MAP3K21: variants seen among roughly 807,000 people sequenced by gnomAD.
MAP3K21 encodes mitogen-activated protein kinase kinase kinase 21.
A neutral mutation model predicts 86.1 loss-of-function variants in MAP3K21; 63 were observed. The observed-to-expected ratio is 0.73, with a 90% CI of 0.60 to 0.90. The LOEUF (loss-of-function observed/expected upper bound fraction) is 0.90. Ranked by LOEUF, MAP3K21 falls within the 40% of genes least tolerant of loss-of-function variation. MAP3K21 has a pLI of 0.00. For missense variants in MAP3K21, 1,220 were observed against 1,367.7 expected, an observed-to-expected ratio of 0.89 and a Z score of 1.70; for synonymous variants, 558 against 564.8, an observed-to-expected ratio of 0.99 and a Z score of 0.17.
chr1:233,370,820 C>T (rs1360470031), intron 5 of MAP3K21, among the ~76,000 whole-genome samples: 1 of 152,164 alleles, frequency 6.6e-6, no homozygotes, highest in Non-Finnish European at 1.5e-5. Context: ...TGGCAATGAA[C>T]CATTTGGGAT....
intron 1 of MAP3K21, among the ~76,000 whole-genome samples, chr1:233,340,404 G>A (rs948168935): frequency 2.4e-4 from 36 of 152,174 alleles, no homozygotes; most frequent in Non-Finnish European, 4.4e-4. Context: ...GACAGAAAAA[G>A]GCAATGCTGT....
intron 5 of MAP3K21, among the ~76,000 whole-genome samples, chr1:233,363,910 AG>A (rs1306810699): frequency 2.0e-5 from 3 of 151,138 alleles, no homozygotes; most frequent in African/African-American, 7.3e-5. Flanking sequence ...GCTACTTGGG[AG>A]GCTGAGGCGG....
rs1373047115 is a variant in MAP3K21, at chr1:233,384,717, G to C, written c.*2006G>C. On this transcript the variant is annotated 3_prime_UTR_variant, in exon 10 of 10. Coordinates refer to ENST00000366624, the MANE Select transcript of MAP3K21 (RefSeq NM_032435.3). ...CATGCATATTAGTAAATGTGTGTTT[G>C]CATGTGTGTGTTGGGGAGTGTATGT... 2 of 152,104 alleles carry C rather than the reference G, an allele frequency of 1.3e-5. No individual in the cohort carries two copies. Among genetic ancestry groups the C allele is most frequent in the African/African-American group, 4.8e-5 (2 of 41,422 alleles). 9.4% of individuals were successfully genotyped at this position (152,104 alleles called of 1,614,324 possible). A position where few individuals can be genotyped will look rare whatever the true frequency, so the allele number is the denominator to read the frequency against.
In MAP3K21 at chr1:233,348,368, G is replaced by A. The variant is rs940035447; in HGVS notation, c.986+1746G>A. Among the ~76,000 whole-genome samples the A allele has an allele frequency of 5.2e-4, 79 of 152,106 alleles. 1 individual carries two copies. The highest frequency in any genetic ancestry group is 1.9e-3 in the African/African-American group (77 of 41,422). On this transcript the variant is annotated intron_variant, in intron 2 of 9. Coordinates refer to ENST00000366624, the MANE Select transcript of MAP3K21 (RefSeq NM_032435.3). ...ATAGAGTATTACTGTACCACATCTTGTTTACCCATTTATCTCTGGATGGAC... is the reference window on the plus strand; with the variant it reads ...ATAGAGTATTACTGTACCACATCTTATTTACCCATTTATCTCTGGATGGAC...
At chr1:233,361,159 T>C (rs2102758186) in intron 4 of MAP3K21, among the ~76,000 whole-genome samples, 1 of 152,348 alleles carries the variant, frequency 6.6e-6, no homozygotes, top group East Asian at 1.9e-4. Flanking sequence ...GGGGATATAA[T>C]TTTAAAACTT....
At chr1:233,348,577 C>T (rs1450501599) in intron 2 of MAP3K21, among the ~76,000 whole-genome samples, 1 of 152,082 alleles carries the variant, frequency 6.6e-6, no homozygotes, top group Non-Finnish European at 1.5e-5. Flanking sequence ...GACCATTTTC[C>T]AAAGTGGCTG....
In MAP3K21 at chr1:233,383,674, A is replaced by C. The variant is rs1475767901; in HGVS notation, c.*963A>C. The C allele has an allele frequency of 6.6e-6, 1 of 152,126 alleles. No homozygotes were observed. The highest frequency in any genetic ancestry group is 2.1e-4 in the South Asian group (1 of 4,832). The allele number at this position is 152,126 out of a possible 1,614,324, so 9.4% of individuals were successfully genotyped here. ...GTAAACAGTCATGTGTCTTAATTTT[A>C]TTTTCTCTATTTGAGTGCATAATTA... is the stretch of plus-strand genomic sequence containing the variant. On this transcript the variant is annotated 3_prime_UTR_variant, in exon 10 of 10. Transcript: ENST00000366624.
chr1:233,347,638 C>A (rs1345472288), intron 2 of MAP3K21, among the ~76,000 whole-genome samples: 1 of 152,124 alleles, frequency 6.6e-6, no homozygotes, highest in Non-Finnish European at 1.5e-5. Flanking sequence ...AATAGAAAAC[C>A]GAATATCACA....
Position 233,362,067 on chromosome 1 carries a change from G to C in MAP3K21, c.1326G>C (p.Arg442=). 1 of 1,612,402 alleles carries C rather than the reference G, an allele frequency of 6.2e-7. No individual in the cohort carries two copies. The highest frequency in any genetic ancestry group is 8.5e-7 in the Non-Finnish European group (1 of 1,179,238). ...CTGTGTCGCAGGAGCTGCGATCCCGGGAAGAGGAGCTGACTCGGGCGGCTC... is the reference window on the plus strand; with the variant it reads ...CTGTGTCGCAGGAGCTGCGATCCCGCGAAGAGGAGCTGACTCGGGCGGCTC... The part of the protein sequence containing the change: ...LRTKEKELRS[R]EEELTRAALQ... The change falls in exon 5 of 10, where the codon CGG becomes CGC. Residue 442 remains arginine (R), a synonymous_variant. Transcript: ENST00000366624.
chr1:233,379,849 C>T lies in MAP3K21; in HGVS notation c.2704+139C>T. The T allele has an allele frequency of 7.5e-6, 5 of 663,074 alleles. No individual in the cohort carries two copies. The South Asian group carries it at 8.4e-5, about 11-fold the overall frequency. The allele number at this position is 663,074 out of a possible 1,614,324, so 41.1% of individuals were successfully genotyped here. ...TTTACTGTTCATGTAGATCTTTGAA[C>T]CTTACCCTTCTCTTATTTGATTTTA... On this transcript the variant is annotated intron_variant, in intron 9 of 9. Transcript: ENST00000366624.
chr1:233,346,623 G>T lies in MAP3K21; in HGVS notation c.986+1G>T. The T allele has an allele frequency of 6.2e-7, 1 of 1,612,854 alleles. No homozygotes were observed. The highest frequency in any genetic ancestry group is 2.2e-5 in the East Asian group (1 of 44,846). On this transcript the variant is annotated splice_donor_variant, in intron 2 of 9. Coordinates refer to ENST00000366624, the MANE Select transcript of MAP3K21 (RefSeq NM_032435.3). LOFTEE classifies it high-confidence loss of function. ...TTTCTAAGGGAAGCGACATCTGGAG[G>T]TGAGCCTTTCCTTTTGCAAACATCG...
chr1:233,351,425 C>G (rs1663250422), intron 2 of MAP3K21, among the ~76,000 whole-genome samples: 1 of 152,046 alleles, frequency 6.6e-6, no homozygotes, highest in Non-Finnish European at 1.5e-5. Context: ...GGAGAAATAG[C>G]TTGTGAGCAG....
intron 4 of MAP3K21, among the ~76,000 whole-genome samples, chr1:233,361,617 T>C (rs1338043301): frequency 6.6e-6 from 1 of 152,218 alleles, no homozygotes; most frequent in African/African-American, 2.4e-5. Context: ...CTTTAATTAA[T>C]TGAGCTTGAA....
At position 233,384,508 on chromosome 1, in the gene MAP3K21, T is replaced by G. The variant is rs1663971584; in HGVS notation, c.*1797T>G. ...GGTTTTCCCAAAATGTTATCACATTTGAAACTATGATTGCTTTGTGTTCAG... is the reference window on the plus strand; with the variant it reads ...GGTTTTCCCAAAATGTTATCACATTGGAAACTATGATTGCTTTGTGTTCAG... On this transcript the variant is annotated 3_prime_UTR_variant, in exon 10 of 10. Transcript: ENST00000366624. 1 of 152,216 alleles carries G rather than the reference T, an allele frequency of 6.6e-6. No homozygotes were observed. Among genetic ancestry groups the G allele is most frequent in the Non-Finnish European group, 1.5e-5 (1 of 68,042 alleles). 9.4% of individuals were successfully genotyped at this position (152,216 alleles called of 1,614,324 possible). A position where few individuals can be genotyped will look rare whatever the true frequency, so the allele number is the denominator to read the frequency against.
rs1473700492 is a variant in MAP3K21, at chr1:233,384,801, CTACAT to C, written c.*2093_*2097del. 2 of 152,106 alleles carry C rather than the reference CTACAT, an allele frequency of 1.3e-5. No individual in the cohort carries two copies. Among genetic ancestry groups the C allele is most frequent in the Admixed American group, 1.3e-4 (2 of 15,270 alleles). 9.4% of individuals were successfully genotyped at this position (152,106 alleles called of 1,614,324 possible). A position where few individuals can be genotyped will look rare whatever the true frequency, so the allele number is the denominator to read the frequency against. On this transcript the variant is annotated 3_prime_UTR_variant, in exon 10 of 10. Coordinates refer to ENST00000366624, the MANE Select transcript of MAP3K21 (RefSeq NM_032435.3). ...CCCTTTAGCTTTATTTTAGTCAACT[CTACAT>C]TATGATGAATTTCAAAATGAAGCTG... is the stretch of plus-strand genomic sequence containing the variant.
chr1:233,341,599 G>T (rs949140916), intron 1 of MAP3K21, among the ~76,000 whole-genome samples: 1 of 152,146 alleles, frequency 6.6e-6, no homozygotes, highest in Non-Finnish European at 1.5e-5. Context: ...ATCATACGCT[G>T]CCATCCGTTT....
intron 5 of MAP3K21, among the ~76,000 whole-genome samples, chr1:233,368,633 A>T (rs1663625258): frequency 6.6e-6 from 1 of 151,008 alleles, no homozygotes; most frequent in Admixed American, 6.6e-5. Flanking sequence ...TCCAGCCTGG[A>T]TAACAGAGTA....
Position 233,349,251 on chromosome 1 carries a change from T to A in MAP3K21, c.986+2629T>A, listed in dbSNP as rs181371488. 2.4e-3 allele frequency among the ~76,000 whole-genome samples: 358 copies of A among 152,318 alleles called. 1 individual carries two copies. The highest frequency in any genetic ancestry group is 4.1e-3 in the Non-Finnish European group (276 of 68,024). ...TAATTTAGTAATTTAATTTAGTAAT[T>A]TTCTAACCATATGAAAATATCAAAT... On this transcript the variant is annotated intron_variant, in intron 2 of 9. Transcript: ENST00000366624.
intron 5 of MAP3K21, among the ~76,000 whole-genome samples, chr1:233,363,851 C>CAAA (rs71793740): frequency 1.2e-4 from 15 of 128,706 alleles, no homozygotes; most frequent in African/African-American, 3.7e-4. Context: ...TACTAAAATA[C>CAAA]AAAAAAAAAA....
Sources: gnomAD v4.1 joint callset for allele counts (sites outside exome capture counted in the v4.1 genomes callset) on GRCh38, gnomAD v4.1.1 for gene constraint, MANE v1.5 for transcripts, NCBI Gene and HGNC (gene_info 2026-07-23, HGNC 2026-07-21) for gene names.